The following APBB2 variants were observed in gnomAD, a reference collection of about 807,000 sequenced individuals.
APBB2 encodes the protein Fe65-like 1.
APBB2 carries 38 observed loss-of-function variants against 82.5 expected under a neutral mutation model. The ratio of observed to expected loss-of-function variants is 0.46; its 90% CI spans 0.36 to 0.60. The LOEUF is 0.60. Ranked by LOEUF, APBB2 falls within the 20% of genes least tolerant of loss-of-function variation. The pLI, the probability that APBB2 is intolerant of heterozygous loss-of-function variation, is 0.00. For missense variants in APBB2, 772 were observed against 972.3 expected (o/e 0.79, Z 2.74); for synonymous variants, 341 against 368.2 (o/e 0.93, Z 0.85).
Position 40,815,866 on chromosome 4 carries a change from T to C in APBB2, c.*226A>G, listed in dbSNP as rs1386411738. On this transcript the variant is annotated 3_prime_UTR_variant, in exon 18 of 18. Coordinates refer to ENST00000508593, the MANE Select transcript of APBB2 (RefSeq NM_004307.2). The stretch of plus-strand genomic sequence containing the variant: ...TTACAATAAGAAAAAGACCTTCCAC[T>C]GCGCATGATGTAACTTACAGCAAAA... The C allele has an allele frequency of 5.9e-6, 3 of 510,696 alleles. No homozygotes were observed. Among genetic ancestry groups the C allele is most frequent in the Non-Finnish European group, 1.1e-5 (3 of 285,460 alleles). The allele number at this position is 510,696 out of a possible 1,614,324, so 31.6% of individuals were successfully genotyped here.
At chr4:40,990,490 C>T (rs889289000) in intron 6 of APBB2, among the ~76,000 whole-genome samples, 4 of 152,156 alleles carry the variant, frequency 2.6e-5, no homozygotes, top group African/African-American at 9.7e-5. Context: ...GTGCCATAAC[C>T]GCTTTTCACA....
intron 1 of APBB2, among the ~76,000 whole-genome samples, chr4:41,165,897 G>A (rs1262089569): frequency 4.7e-5 from 6 of 127,600 alleles, no homozygotes; most frequent in Admixed American, 8.4e-5. Flanking sequence ...TTTTTGAGAC[G>A]GAGTCTCGCT....
intron 12 of APBB2, among the ~76,000 whole-genome samples, chr4:40,876,057 T>C (rs1766828558): frequency 6.6e-6 from 1 of 152,226 alleles, no homozygotes; most frequent in African/African-American, 2.4e-5. Flanking sequence ...AAAGCACAAG[T>C]GCTTCCTGGT....
chr4:41,112,444 T>C (rs1749529891), intron 2 of APBB2, among the ~76,000 whole-genome samples: 1 of 152,228 alleles, frequency 6.6e-6, no homozygotes, highest in Non-Finnish European at 1.5e-5. Context: ...CACTCCTGGT[T>C]ATAGCAGGCC....
At chr4:40,935,272 T>C (rs768675112) in intron 7 of APBB2, 133 bp from the exon 8 acceptor site, 43 of 653,110 alleles carry the variant, frequency 6.6e-5, no homozygotes, top group Non-Finnish European at 1.0e-4. Context: ...ACAAGTTAAC[T>C]CTAACAGCAA....
intron 4 of APBB2, among the ~76,000 whole-genome samples, chr4:41,043,328 G>A (rs1722215782): frequency 6.6e-6 from 1 of 152,162 alleles, no homozygotes; most frequent in Non-Finnish European, 1.5e-5. Context: ...AAGTGAGGCT[G>A]CTTCTATATT....
At chr4:41,149,215 C>A (rs1159912989) in intron 1 of APBB2, among the ~76,000 whole-genome samples, 3 of 151,900 alleles carry the variant, frequency 2.0e-5, no homozygotes, top group Non-Finnish European at 2.9e-5. Flanking sequence ...CCAGTAATAA[C>A]CCCAGTTTTA....
At position 41,102,398 on chromosome 4, in the gene APBB2, C is replaced by A. The variant is rs146405203; in HGVS notation, c.-260-1648G>T. ...TCAGATAGGGACAAGCAGAATTTCA[C>A]ATTTCACCTATCCCCTGGGCATCAC... On this transcript the variant is annotated intron_variant, in intron 2 of 17. Coordinates refer to ENST00000508593, the MANE Select transcript of APBB2 (RefSeq NM_004307.2). 1.5e-3 allele frequency among the ~76,000 whole-genome samples: 234 copies of A among 152,328 alleles called. 1 individual carries two copies. Among genetic ancestry groups the A allele is most frequent in the Non-Finnish European group, 2.5e-3 (173 of 68,034 alleles).
At chr4:41,141,259 C>G (rs1759048720) in intron 2 of APBB2, among the ~76,000 whole-genome samples, 1 of 152,100 alleles carries the variant, frequency 6.6e-6, no homozygotes, top group Non-Finnish European at 1.5e-5. Flanking sequence ...GAAAGTGAAA[C>G]AGGAGATGCT....
chr4:40,975,484 CA>C (rs1215232055), intron 6 of APBB2, among the ~76,000 whole-genome samples: 1 of 152,120 alleles, frequency 6.6e-6, no homozygotes, highest in Non-Finnish European at 1.5e-5. Flanking sequence ...CTGACTTCTG[CA>C]ATAGAATTTC....
At chr4:41,159,179 T>G (rs975514762) in intron 1 of APBB2, among the ~76,000 whole-genome samples, 2 of 152,222 alleles carry the variant, frequency 1.3e-5, no homozygotes, top group Admixed American at 1.3e-4. Flanking sequence ...GCCTTAATGC[T>G]GCATCTGTAC....
At position 41,053,726 on chromosome 4, in the gene APBB2, A is replaced by T. The variant is rs150110508; in HGVS notation, c.-51+11850T>A. Among the ~76,000 whole-genome samples, 88 of 152,376 alleles carry T rather than the reference A, an allele frequency of 5.8e-4. 1 individual carries two copies. Among genetic ancestry groups the T allele is most frequent in the African/African-American group, 1.9e-3 (81 of 41,590 alleles). On this transcript the variant is annotated intron_variant, in intron 4 of 17. Coordinates refer to ENST00000508593, the MANE Select transcript of APBB2 (RefSeq NM_004307.2). ...AAAGGCCATAAGGAAGATACTGCCC[A>T]TGAAGTATATCTCCACGGTACTTGC...
chr4:40,872,410 C>T (rs1317638220), intron 12 of APBB2, among the ~76,000 whole-genome samples: 8 of 152,192 alleles, frequency 5.3e-5, no homozygotes, highest in East Asian at 1.9e-4. Flanking sequence ...AGGGATGTCA[C>T]ATAACACTGG....
chr4:40,919,191 A>G (rs1042165731), intron 10 of APBB2, among the ~76,000 whole-genome samples: 7 of 151,314 alleles, frequency 4.6e-5, no homozygotes, highest in African/African-American at 1.7e-4. Context: ...AGGGACAGTA[A>G]TTCATTCTAC....
chr4:40,916,137 A>G lies in APBB2; in HGVS notation c.1254+18319T>C, dbSNP rs57010160. Among the ~76,000 whole-genome samples, 26 of 152,320 alleles carry G rather than the reference A, an allele frequency of 1.7e-4. No homozygotes were observed. The East Asian group carries it at 4.6e-3, about 27-fold the overall frequency. ...AGAAAACATTTTAGGTAGTTGTTCT[A>G]AAGAATTTGCTGTAAATTAGATATG... On this transcript the variant is annotated intron_variant, in intron 10 of 17. Coordinates refer to ENST00000508593, the MANE Select transcript of APBB2 (RefSeq NM_004307.2).
At chr4:41,204,109 G>A (rs555801257) in intron 1 of APBB2, among the ~76,000 whole-genome samples, 61 of 152,316 alleles carry the variant, frequency 4.0e-4, no homozygotes, top group Admixed American at 6.5e-5. Flanking sequence ...AGACAGGAGG[G>A]ATGGTCGCAG....
intron 4 of APBB2, among the ~76,000 whole-genome samples, chr4:41,046,471 A>G: frequency 6.6e-6 from 1 of 152,222 alleles, no homozygotes; most frequent in Admixed American, 6.5e-5. Flanking sequence ...TAAAATCACC[A>G]AACAAAATGA....
intron 1 of APBB2, among the ~76,000 whole-genome samples, chr4:41,161,888 A>G (rs1252583942): frequency 6.6e-6 from 1 of 152,128 alleles, no homozygotes; most frequent in Non-Finnish European, 1.5e-5. Context: ...ACACATACAA[A>G]CGTAGAAAGA....
intron 1 of APBB2, among the ~76,000 whole-genome samples, chr4:41,178,045 C>T (rs546358747): frequency 1.6e-3 from 247 of 152,050 alleles, no homozygotes; most frequent in Admixed American, 2.6e-3. Context: ...GAAGAACCTA[C>T]GTAAGAGTTT....
Sources: allele counts gnomAD v4.1 joint callset (sites outside exome capture counted in the v4.1 genomes callset), GRCh38; gene constraint gnomAD v4.1.1; transcripts MANE v1.5; gene names NCBI Gene and HGNC (gene_info 2026-07-23, HGNC 2026-07-21).